The following RALYL variants were observed in gnomAD, a reference collection of about 807,000 sequenced individuals.
RALYL encodes RALY RNA binding protein like.
A neutral mutation model predicts 35.1 loss-of-function variants in RALYL; 29 were observed. The observed-to-expected ratio is 0.83, with a 90% CI of 0.61 to 1.13. RALYL has a LOEUF of 1.13. Among genes scored for constraint, RALYL ranks in the 50% most tolerant of loss-of-function variants. The pLI, the probability that RALYL is intolerant of heterozygous loss-of-function variation, is 0.00. For synonymous variants in RALYL, 120 were observed against 127.6 expected (o/e 0.94, Z 0.40); for missense variants, 359 against 360.4 (o/e 1.00, Z 0.03).
chr8:84,649,652 G>A (rs1828277878), intron 2 of RALYL, among the ~76,000 whole-genome samples: 1 of 151,836 alleles, frequency 6.6e-6, no homozygotes, highest in Admixed American at 6.6e-5. Context: ...CTCTGTTTTG[G>A]TACCAGTACC....
chr8:84,826,449 T>G (rs1829727849), intron 4 of RALYL, among the ~76,000 whole-genome samples: 1 of 152,154 alleles, frequency 6.6e-6, no homozygotes, highest in Non-Finnish European at 1.5e-5. Context: ...GTTCTCCTGC[T>G]CTTGCTTTGC....
chr8:84,877,209 G>A (rs1040455084), intron 7 of RALYL, among the ~76,000 whole-genome samples: 3 of 152,026 alleles, frequency 2.0e-5, no homozygotes, highest in Admixed American at 1.3e-4. Flanking sequence ...GGGAGTGGCC[G>A]GCCGCGGTGG....
chr8:84,386,118 G>A (rs1359766620), intron 1 of RALYL, among the ~76,000 whole-genome samples: 1 of 151,764 alleles, frequency 6.6e-6, no homozygotes, highest in African/African-American at 2.4e-5. Flanking sequence ...TCACTGCAGA[G>A]TTATAGAGGA....
intron 4 of RALYL, among the ~76,000 whole-genome samples, chr8:84,810,964 G>A (rs1404653913): frequency 1.3e-5 from 2 of 152,126 alleles, no homozygotes; most frequent in Non-Finnish European, 2.9e-5. Context: ...TATCTTTTAA[G>A]CAAAGCATTT....
intron 1 of RALYL, among the ~76,000 whole-genome samples, chr8:84,250,492 A>G (rs377440803): frequency 9.9e-5 from 15 of 152,118 alleles, no homozygotes; most frequent in African/African-American, 3.4e-4. Flanking sequence ...CAGCCTCCTG[A>G]GTAGCTGGGA....
chr8:84,521,215 C>T (rs181534205), intron 1 of RALYL, among the ~76,000 whole-genome samples: 21 of 152,294 alleles, frequency 1.4e-4, no homozygotes, highest in African/African-American at 5.1e-4. Flanking sequence ...AGCTCTTTCT[C>T]TCTTACATGT....
At chr8:84,914,045 A>G (rs1464047675) in intron 8 of RALYL, among the ~76,000 whole-genome samples, 21 of 152,042 alleles carry the variant, frequency 1.4e-4, no homozygotes. Flanking sequence ...TGAGTTAACT[A>G]TATGTTTTCA....
At chr8:84,296,426 A>G (rs139328920) in intron 1 of RALYL, among the ~76,000 whole-genome samples, 56 of 152,150 alleles carry the variant, frequency 3.7e-4, no homozygotes, top group African/African-American at 1.3e-3. Flanking sequence ...CCCAGGACAC[A>G]TCTTTCCTAG....
At chr8:84,288,334 T>C (rs1272468373) in intron 1 of RALYL, among the ~76,000 whole-genome samples, 1 of 152,208 alleles carries the variant, frequency 6.6e-6, no homozygotes, top group African/African-American at 2.4e-5. Context: ...TGCTACAGTA[T>C]CTCTTAATCC....
chr8:84,737,220 T>C (rs1202255351), intron 2 of RALYL, among the ~76,000 whole-genome samples: 1 of 152,112 alleles, frequency 6.6e-6, no homozygotes, highest in African/African-American at 2.4e-5. Context: ...ACTGAAAAGC[T>C]ATTAGCTGTT....
intron 1 of RALYL, among the ~76,000 whole-genome samples, chr8:84,525,838 C>A (rs1486083295): frequency 1.3e-5 from 2 of 151,126 alleles, no homozygotes; most frequent in African/African-American, 2.4e-5. Flanking sequence ...TCTTTAATGT[C>A]TCTTCTGGTC....
chr8:84,780,188 A>G lies in RALYL; in HGVS notation c.332+5534A>G, dbSNP rs151096717. 1.5e-3 allele frequency among the ~76,000 whole-genome samples: 227 copies of G among 152,052 alleles called. 1 individual carries two copies. Among genetic ancestry groups the G allele is most frequent in the African/African-American group, 4.8e-3 (198 of 41,484 alleles). ...AGCCAGATGGTTCCACTCAAACTACAGTGTGAGGAGGAGAGGGAAATATTT... is the reference window on the plus strand; with the variant it reads ...AGCCAGATGGTTCCACTCAAACTACGGTGTGAGGAGGAGAGGGAAATATTT... On this transcript the variant is annotated intron_variant, in intron 3 of 8. Transcript: ENST00000521268.
At chr8:84,865,847 G>A (rs1302495518) in intron 6 of RALYL, among the ~76,000 whole-genome samples, 1 of 152,142 alleles carries the variant, frequency 6.6e-6, no homozygotes, top group African/African-American at 2.4e-5. Flanking sequence ...CAGAATAGGT[G>A]ACAAACTAAT....
intron 1 of RALYL, among the ~76,000 whole-genome samples, chr8:84,466,641 A>G (rs1371743916): frequency 1.3e-4 from 20 of 150,758 alleles, no homozygotes; most frequent in Non-Finnish European, 2.4e-4. Flanking sequence ...TTGGTATCAG[A>G]ATGATGCTGG....
chr8:84,445,715 C>A (rs545185877), intron 1 of RALYL, among the ~76,000 whole-genome samples: 1 of 151,644 alleles, frequency 6.6e-6, no homozygotes, highest in East Asian at 1.9e-4. Flanking sequence ...ACTTTCATTT[C>A]ATTTACTTGC....
At chr8:84,256,652 T>C (rs1302910566) in intron 1 of RALYL, among the ~76,000 whole-genome samples, 1 of 152,158 alleles carries the variant, frequency 6.6e-6, no homozygotes, top group African/African-American at 2.4e-5. Context: ...TTATTGACTT[T>C]GTAACTTTCA....
At chr8:84,883,881 T>C (rs1007036731) in intron 7 of RALYL, among the ~76,000 whole-genome samples, 1 of 152,086 alleles carries the variant, frequency 6.6e-6, no homozygotes, top group Non-Finnish European at 1.5e-5. Flanking sequence ...TGTTATAACA[T>C]GTTTGTGTGG....
chr8:84,804,377 T>A (rs1824096744), intron 3 of RALYL, among the ~76,000 whole-genome samples: 1 of 152,206 alleles, frequency 6.6e-6, no homozygotes, highest in African/African-American at 2.4e-5. Flanking sequence ...TCAACTAACA[T>A]GTAACAAGCA....
chr8:84,464,555 G>C (rs1421716989), intron 1 of RALYL, among the ~76,000 whole-genome samples: 6 of 149,844 alleles, frequency 4.0e-5, no homozygotes, highest in East Asian at 2.0e-4. Flanking sequence ...GGACATTTGG[G>C]TTGGTTCCAA....
Sources: allele counts gnomAD v4.1 joint callset (sites outside exome capture counted in the v4.1 genomes callset), GRCh38; gene constraint gnomAD v4.1.1; transcripts MANE v1.5; gene names NCBI Gene and HGNC (gene_info 2026-07-23, HGNC 2026-07-21).